Variants in PLB1 observed in about 807,000 individuals in gnomAD.
The protein encoded by PLB1 is phospholipase B1, membrane-associated.
A neutral mutation model predicts 227.4 loss-of-function variants in PLB1; 242 were observed. The observed-to-expected ratio is 1.06, with a 90% CI of 0.96 to 1.18. The LOEUF (loss-of-function observed/expected upper bound fraction) is 1.18. PLB1 is among the 50% of genes most tolerant of loss of function. The pLI is 0.00. For synonymous variants in PLB1, 757 were observed against 682.2 expected, an observed-to-expected ratio of 1.11 and a Z score of -1.71; for missense variants, 1,858 against 1,816.3, an observed-to-expected ratio of 1.02 and a Z score of -0.42.
At chr2:28,605,151 T>A (rs143391288) in intron 41 of PLB1, among the ~76,000 whole-genome samples, 1 of 152,332 alleles carries the variant, frequency 6.6e-6, no homozygotes, top group East Asian at 1.9e-4. Flanking sequence ...TGACTAGTTT[T>A]CTGCCACGCA....
chr2:28,555,545 CAT>C (rs1217498804), intron 17 of PLB1, among the ~76,000 whole-genome samples: 2 of 152,146 alleles, frequency 1.3e-5, no homozygotes, highest in Non-Finnish European at 2.9e-5. Context: ...TGATATTAAT[CAT>C]ATATTTCTGG....
intron 1 of PLB1, among the ~76,000 whole-genome samples, chr2:28,505,980 A>G (rs750331061): frequency 1.3e-5 from 2 of 152,184 alleles, no homozygotes; most frequent in Non-Finnish European, 2.9e-5. Flanking sequence ...GAGCACAGGT[A>G]TGGGGTTTTC....
At chr2:28,620,442 C>A (rs541463711) in intron 47 of PLB1, 110 bp downstream of exon 47, 1 of 1,353,528 alleles carries the variant, frequency 7.4e-7, no homozygotes, top group Non-Finnish European at 1.0e-6. Context: ...CAGGTCCCAG[C>A]GCTGAGACAG....
chr2:28,527,783 C>T (rs1028961400), intron 6 of PLB1, among the ~76,000 whole-genome samples: 1 of 152,204 alleles, frequency 6.6e-6, no homozygotes, highest in African/African-American at 2.4e-5. Context: ...GGCAAATTTA[C>T]GTGAAAAGAT....
Position 28,579,496 on chromosome 2 carries a change from C to T in PLB1, c.1486-131C>T. On this transcript the variant is annotated intron_variant, in intron 22 of 57. Transcript: ENST00000327757. ...ATCTCAGGACCCTAAAAGCAAGGAACAGAAAATTCAGAAGTCCATGAGACA... is the reference window on the plus strand; with the variant it reads ...ATCTCAGGACCCTAAAAGCAAGGAATAGAAAATTCAGAAGTCCATGAGACA... The T allele has an allele frequency of 4.6e-6, 3 of 648,416 alleles. No homozygotes were observed. In the South Asian group the frequency reaches 5.3e-5, roughly 11 times the overall value. The allele number at this position is 648,416 out of a possible 1,614,324, so 40.2% of individuals were successfully genotyped here.
chr2:28,566,804 G>T lies in PLB1; in HGVS notation c.1289G>T (p.Gly430Val). The change falls in exon 20 of 58, where the codon GGA becomes GTA. Residue 430 changes from glycine to valine, a missense_variant. Transcript: ENST00000327757. The stretch of plus-strand genomic sequence containing the variant: ...TTGGACCCACGTTACAGCGTCGGCG[G>T]AGATGAGAACATCGGCACCGTTACC... ...QYRGLSWSVG[G>V]DENIGTVTTL... The T allele has an allele frequency of 6.2e-7, 1 of 1,614,178 alleles. No individual in the cohort carries two copies. Among genetic ancestry groups the T allele is most frequent in the Non-Finnish European group, 8.5e-7 (1 of 1,180,038 alleles).
At chr2:28,574,667 G>A (rs1678629116) in intron 21 of PLB1, among the ~76,000 whole-genome samples, 1 of 151,358 alleles carries the variant, frequency 6.6e-6, no homozygotes, top group Non-Finnish European at 1.5e-5. Flanking sequence ...AAAGTGCTGG[G>A]ATTACAGGCA....
chr2:28,581,090 G>A (rs1679853850), intron 23 of PLB1, among the ~76,000 whole-genome samples: 1 of 152,166 alleles, frequency 6.6e-6, no homozygotes, highest in African/African-American at 2.4e-5. Flanking sequence ...GCTTTCATAT[G>A]TTCCATACAG....
intron 23 of PLB1, among the ~76,000 whole-genome samples, chr2:28,581,303 C>T (rs1679895752): frequency 6.6e-6 from 1 of 151,826 alleles, no homozygotes; most frequent in South Asian, 2.1e-4. Context: ...GTAGGGTGTG[C>T]TCAGTAGCCC....
At chr2:28,496,243 G>A in intron 1 of PLB1, 74 bp downstream of exon 1, 1 of 1,397,686 alleles carries the variant, frequency 7.2e-7, no homozygotes, top group Non-Finnish European at 1.0e-6. Context: ...TAGGCAATGG[G>A]TGTGTGAGAG....
rs745382160 is a variant in PLB1, at chr2:28,602,808, G to A, written c.2674-13G>A. 3 of 1,612,970 alleles carry A rather than the reference G, an allele frequency of 1.9e-6. No homozygotes were observed. The African/African-American group carries it at 4.0e-5, about 21-fold the overall frequency. ...GCCTGGAGCCCCCCTCTCATCTGCA[G>A]CTTTTCCCTTAGGTGCCCAGAGTCC... On this transcript the variant is annotated splice_polypyrimidine_tract_variant and intron_variant, in intron 38 of 57. Coordinates refer to ENST00000327757, the MANE Select transcript of PLB1 (RefSeq NM_153021.5).
chr2:28,504,178 C>T (rs1209434821), intron 1 of PLB1, among the ~76,000 whole-genome samples: 1 of 152,154 alleles, frequency 6.6e-6, no homozygotes, highest in Non-Finnish European at 1.5e-5. Context: ...CTGCTCACTC[C>T]ATGTACCATG....
intron 1 of PLB1, 45 bp downstream of exon 1, chr2:28,496,214 G>A (rs371933984): frequency 3.4e-5 from 54 of 1,577,578 alleles, no homozygotes; most frequent in Non-Finnish European, 4.4e-5. Flanking sequence ...GTTTAGCCCC[G>A]CTGGTGTCCC....
intron 23 of PLB1, among the ~76,000 whole-genome samples, chr2:28,581,612 C>G (rs4456656): frequency 0.39 from 58,517 of 150,238 alleles, 12,169 homozygotes; most frequent in African/African-American, 0.52. Context: ...GGCTGGTGTC[C>G]AGGCTGGGGC....
chr2:28,594,205 T>C, intron 33 of PLB1: 1 of 357,492 alleles, frequency 2.8e-6, no homozygotes, highest in African/African-American at 2.1e-5. Flanking sequence ...CTGAAACCCA[T>C]CGCACACTTC....
intron 1 of PLB1, among the ~76,000 whole-genome samples, chr2:28,500,983 T>A (rs1667028196): frequency 6.6e-6 from 1 of 152,214 alleles, no homozygotes; most frequent in Non-Finnish European, 1.5e-5. Flanking sequence ...TGGAATCAGC[T>A]GTTTCTTCAA....
chr2:28,591,212 A>G, intron 30 of PLB1, 41 bp downstream of exon 30: 1 of 1,611,492 alleles, frequency 6.2e-7, no homozygotes, highest in Non-Finnish European at 8.5e-7. Flanking sequence ...CAGGCAATGC[A>G]ATGGGCAACC....
intron 44 of PLB1, among the ~76,000 whole-genome samples, chr2:28,615,685 C>A (rs1686098879): frequency 6.6e-6 from 1 of 152,160 alleles, no homozygotes; most frequent in African/African-American, 2.4e-5. Flanking sequence ...GTGAATCAGG[C>A]ATTTCTTCAT....
intron 56 of PLB1, among the ~76,000 whole-genome samples, chr2:28,639,005 T>C (rs1341310882): frequency 6.7e-6 from 1 of 149,330 alleles, no homozygotes; most frequent in Non-Finnish European, 1.5e-5. Flanking sequence ...GGGGTGGAGG[T>C]TGCAGTAAGC....
Sources: allele counts gnomAD v4.1 joint callset (sites outside exome capture counted in the v4.1 genomes callset), GRCh38; gene constraint gnomAD v4.1.1; transcripts MANE v1.5; gene names NCBI Gene and HGNC (gene_info 2026-07-23, HGNC 2026-07-21).